Variants in TEK observed in about 807,000 individuals in gnomAD.
TEK encodes the protein TEK receptor tyrosine kinase, also known as angiopoietin-1 receptor.
In TEK, 43 loss-of-function variants were observed where a neutral mutation model predicts 131.8. The observed-to-expected ratio is 0.33, with a 90% CI of 0.26 to 0.42. The LOEUF (loss-of-function observed/expected upper bound fraction) is 0.42. TEK is among the 10% of genes least tolerant of loss of function. The pLI is 1.00. For missense variants in TEK, 1,162 were observed against 1,384.4 expected, an observed-to-expected ratio of 0.84 and a Z score of 2.55; for synonymous variants, 580 against 491.6, an observed-to-expected ratio of 1.18 and a Z score of -2.38.
intron 2 of TEK, among the ~76,000 whole-genome samples, chr9:27,165,756 C>T (rs4878954): frequency 0.29 from 44,128 of 152,046 alleles, 6,837 homozygotes; most frequent in Admixed American, 0.34. Context: ...CTGATTCCAG[C>T]GCTCGCACTG....
chr9:27,218,777 A>C lies in TEK; in HGVS notation c.3063A>C (p.Val1021=). The change falls in exon 20 of 23, where the codon GTA becomes GTC. Residue 1021 remains valine, a splice_region_variant and synonymous_variant. Transcript: ENST00000380036. ...NYSVYTTNSD[V]WSYGVLLWEI... Reference sequence around the variant, plus strand: ...GGTTTCACACTTGTCCCTCCTGCAGATGGTCCTATGGTGTGTTACTATGGG... The same window carrying C: ...GGTTTCACACTTGTCCCTCCTGCAGCTGGTCCTATGGTGTGTTACTATGGG... 6.2e-7 allele frequency: 1 copy of C among 1,613,930 alleles called. No homozygotes were observed. The highest frequency in any genetic ancestry group is 8.5e-7 in the Non-Finnish European group (1 of 1,179,934).
chr9:27,215,734 A>T (rs1434453684), intron 18 of TEK, among the ~76,000 whole-genome samples: 1 of 151,968 alleles, frequency 6.6e-6, no homozygotes, highest in Non-Finnish European at 1.5e-5. Flanking sequence ...GGGTAACATA[A>T]GTCAGACACA....
At chr9:27,226,522 G>C (rs1290590042) in intron 21 of TEK, among the ~76,000 whole-genome samples, 1 of 151,598 alleles carries the variant, frequency 6.6e-6, no homozygotes, top group Admixed American at 6.6e-5. Context: ...ATAAGTTGGA[G>C]TTTAAGGATG....
chr9:27,174,414 G>A (rs915408875), intron 6 of TEK, among the ~76,000 whole-genome samples: 3 of 152,150 alleles, frequency 2.0e-5, no homozygotes, highest in Non-Finnish European at 4.4e-5. Flanking sequence ...CATTAAAAAA[G>A]TGAGGAGAAA....
intron 3 of TEK, among the ~76,000 whole-genome samples, 196 bp from the exon 4 acceptor site, chr9:27,169,281 T>C (rs900865986): frequency 1.5e-4 from 23 of 152,240 alleles, no homozygotes; most frequent in African/African-American, 5.3e-4. Flanking sequence ...CTAACCTATC[T>C]GTTCTATCAC....
At chr9:27,149,779 G>T (rs774545544) in intron 1 of TEK, among the ~76,000 whole-genome samples, 1 of 152,136 alleles carries the variant, frequency 6.6e-6, no homozygotes, top group Non-Finnish European at 1.5e-5. Flanking sequence ...GGGTATGTAC[G>T]TCTTTGAGCA....
chr9:27,227,186 T>C (rs1157903834), intron 21 of TEK, among the ~76,000 whole-genome samples: 1 of 152,220 alleles, frequency 6.6e-6, no homozygotes. Context: ...GAGTCATTTG[T>C]TCAGCATGTG....
intron 4 of TEK, among the ~76,000 whole-genome samples, chr9:27,171,525 G>C (rs911333394): frequency 6.6e-6 from 1 of 152,096 alleles, no homozygotes; most frequent in Non-Finnish European, 1.5e-5. Flanking sequence ...AGTATGAGAA[G>C]TGTGGTTCCT....
chr9:27,145,743 A>AAACT (rs1822893018), intron 1 of TEK, among the ~76,000 whole-genome samples: 1 of 152,230 alleles, frequency 6.6e-6, no homozygotes, highest in Non-Finnish European at 1.5e-5. Flanking sequence ...ATTTAAAATG[A>AAACT]GTAGTCTGTC....
At chr9:27,194,468 A>G (rs1824936537) in intron 11 of TEK, among the ~76,000 whole-genome samples, 1 of 152,234 alleles carries the variant, frequency 6.6e-6, no homozygotes, top group Admixed American at 6.5e-5. Context: ...AAATAAACCC[A>G]GAAACTATAT....
intron 11 of TEK, chr9:27,195,703 G>A (rs1244054862): frequency 4.4e-6 from 2 of 455,982 alleles, no homozygotes; most frequent in Non-Finnish European, 8.8e-6. Flanking sequence ...AGAAGGAAGG[G>A]AGGGAGGAAA....
chr9:27,127,412 C>T (rs575066426), intron 1 of TEK, among the ~76,000 whole-genome samples: 2 of 152,246 alleles, frequency 1.3e-5, no homozygotes, highest in East Asian at 1.9e-4. Flanking sequence ...TCTTTGCTAT[C>T]GTGAATAGTG....
At position 27,136,646 on chromosome 9, in the gene TEK, G is replaced by C. The variant is rs148603070; in HGVS notation, c.53-21185G>C. On this transcript the variant is annotated intron_variant, in intron 1 of 22. Coordinates refer to ENST00000380036, the MANE Select transcript of TEK (RefSeq NM_000459.5). ...GTGAGTATTGTGAGTACAACACACTGAACTGACGACTGGAGACAAAGAAGC... is the reference window on the plus strand; with the variant it reads ...GTGAGTATTGTGAGTACAACACACTCAACTGACGACTGGAGACAAAGAAGC... Among the ~76,000 whole-genome samples, 546 of 152,162 alleles carry C rather than the reference G, an allele frequency of 3.6e-3. 4 individuals carry two copies. Among genetic ancestry groups the C allele is most frequent in the Middle Eastern group, 0.017 (5 of 294 alleles).
At position 27,212,886 on chromosome 9, in the gene TEK, A is replaced by C. The variant is rs2131228313; in HGVS notation, c.2866A>C (p.Ser956Arg). Residue 956 changes from serine (S) to arginine (R), a missense_variant, in exon 17 of 23, where the codon AGC (serine) becomes CGC (arginine). Around this residue, in one of 6 missense-constraint regions of TEK, gnomAD observed 107 missense variants for 173.9 expected, o/e 0.62. Transcript: ENST00000380036. ...CGTGGCCCGGGGCATGGACTACTTGAGCCAAAAACAGGTTTGTCCGGAGGA... is the reference window on the plus strand; with the variant it reads ...CGTGGCCCGGGGCATGGACTACTTGCGCCAAAAACAGGTTTGTCCGGAGGA... ...ADVARGMDYL[S>R]QKQFIHRDLA... 1 of 1,613,812 alleles carries C rather than the reference A, an allele frequency of 6.2e-7. No individual in the cohort carries two copies. Among genetic ancestry groups the C allele is most frequent in the East Asian group, 2.2e-5 (1 of 44,854 alleles).
intron 1 of TEK, among the ~76,000 whole-genome samples, chr9:27,139,485 C>A (rs528449614): frequency 6.6e-6 from 1 of 150,742 alleles, no homozygotes; most frequent in Non-Finnish European, 1.5e-5. Flanking sequence ...TCACCATGCC[C>A]AGCTAATTTT....
At chr9:27,163,381 G>T (rs1823614604) in intron 2 of TEK, among the ~76,000 whole-genome samples, 1 of 152,154 alleles carries the variant, frequency 6.6e-6, no homozygotes, top group Non-Finnish European at 1.5e-5. Context: ...GGTATTTAGG[G>T]AGTAGCTATG....
At chr9:27,217,621 C>A in intron 18 of TEK, 67 bp from the exon 19 acceptor site, 1 of 1,420,032 alleles carries the variant, frequency 7.0e-7, no homozygotes, top group South Asian at 1.2e-5. Context: ...AGCCACAGCT[C>A]AGGCAGGCTG....
chr9:27,220,978 T>G (rs1826048603), intron 21 of TEK, among the ~76,000 whole-genome samples: 1 of 152,186 alleles, frequency 6.6e-6, no homozygotes, highest in African/African-American at 2.4e-5. Flanking sequence ...AGCCAAGTGG[T>G]CTAGCTCAGT....
At chr9:27,219,657 T>C in intron 20 of TEK, among the ~76,000 whole-genome samples, 1 of 53,542 alleles carries the variant, frequency 1.9e-5, no homozygotes, top group East Asian at 8.4e-4. Context: ...TGCATGGCTT[T>C]TGTAATTAAA....
Sources: gnomAD v4.1 joint callset for allele counts (sites outside exome capture counted in the v4.1 genomes callset) on GRCh38, gnomAD v4.1.1 for gene constraint, gnomAD v4.1.1 regional missense constraint, MANE v1.5 for transcripts, NCBI Gene and HGNC (gene_info 2026-07-23, HGNC 2026-07-21) for gene names.